The following SMIM35 variants were observed in gnomAD, a reference collection of about 807,000 sequenced individuals.
SMIM35 encodes the protein TMPRSS4 antisense RNA 1 (non-protein coding).
At chr11:118,025,349 C>T (rs751339288) in intron 1 of SMIM35, 9 of 349,830 alleles carry the variant, frequency 2.6e-5, no homozygotes, top group Middle Eastern at 7.8e-4. Flanking sequence ...CTCCAAACTG[C>T]TTTCCACAGT....
chr11:118,064,489 G>C (rs1944438195), intron 1 of SMIM35, among the ~76,000 whole-genome samples: 1 of 152,162 alleles, frequency 6.6e-6, no homozygotes, highest in Non-Finnish European at 1.5e-5. Context: ...TCCCTATGTT[G>C]CCCAGGCTGG....
chr11:118,020,830 G>T (rs998840944), intron 1 of SMIM35, among the ~76,000 whole-genome samples: 2 of 152,022 alleles, frequency 1.3e-5, no homozygotes, highest in African/African-American at 4.8e-5. Flanking sequence ...TTGTCTAATT[G>T]TATTGGTTAG....
At chr11:118,020,902 C>G (rs2058223158) in intron 1 of SMIM35, among the ~76,000 whole-genome samples, 1 of 152,186 alleles carries the variant, frequency 6.6e-6, no homozygotes, top group Non-Finnish European at 1.5e-5. Context: ...CCCTAAGCAT[C>G]ACTTTAGCTT....
chr11:118,044,290 A>G (rs2135086027), intron 1 of SMIM35, among the ~76,000 whole-genome samples: 1 of 146,150 alleles, frequency 6.8e-6, no homozygotes, highest in East Asian at 2.0e-4. Flanking sequence ...ACCAAATCTT[A>G]GTCACTGAGA....
intron 1 of SMIM35, among the ~76,000 whole-genome samples, chr11:118,085,004 A>G (rs759125243): frequency 6.6e-6 from 1 of 152,190 alleles, no homozygotes; most frequent in Non-Finnish European, 1.5e-5. Flanking sequence ...GCAAGTCTGT[A>G]AAATCATGCA....
intron 1 of SMIM35, among the ~76,000 whole-genome samples, chr11:118,054,707 GTGTTTTTATA>G (rs768815127): frequency 4.0e-5 from 6 of 151,448 alleles, no homozygotes; most frequent in Non-Finnish European, 8.8e-5. Flanking sequence ...GTGTCCTGTT[GTGTTTTTATA>G]TGTTTCCAAT....
At chr11:118,029,664 T>C (rs2058302133) in intron 1 of SMIM35, 1 of 457,342 alleles carries the variant, frequency 2.2e-6, no homozygotes, top group South Asian at 1.5e-5. Context: ...CTAGCATCAG[T>C]TGGGTCTAGT....
chr11:118,036,444 G>A (rs1354401176), intron 1 of SMIM35, among the ~76,000 whole-genome samples: 1 of 152,170 alleles, frequency 6.6e-6, no homozygotes, highest in Non-Finnish European at 1.5e-5. Context: ...TTTTACAAAG[G>A]TATTTTCTAA....
Position 118,067,860 on chromosome 11 carries a change from CATATATATATATATATAT to C in SMIM35, c.7+18873_7+18890del, listed in dbSNP as rs57497227. Among the ~76,000 whole-genome samples the C allele has an allele frequency of 6.0e-3, 483 of 80,940 alleles. 11 individuals carry two copies. The highest frequency in any genetic ancestry group is 0.046 in the East Asian group (99 of 2,130). 53.1% of individuals were successfully genotyped at this position (80,940 alleles called of 152,430 possible). Reference sequence around the variant, plus strand: ...AAAACAACCACAAAACAACAACAAACATATATATATATATATATATATATATATATATATATATATATA... The same window carrying C: ...AAAACAACCACAAAACAACAACAAACATATATATATATATATATATATATA... On this transcript the variant is annotated intron_variant, in intron 1 of 4. Transcript: ENST00000689828.
chr11:118,033,509 G>GT (rs1372360412), intron 1 of SMIM35, among the ~76,000 whole-genome samples: 3 of 152,058 alleles, frequency 2.0e-5, no homozygotes, highest in Admixed American at 2.0e-4. Flanking sequence ...TAGTCAAGGG[G>GT]TTTTTTCTGT....
At chr11:118,020,439 G>A (rs980124350) in intron 1 of SMIM35, among the ~76,000 whole-genome samples, 4 of 152,158 alleles carry the variant, frequency 2.6e-5, no homozygotes, top group African/African-American at 9.7e-5. Flanking sequence ...GAATTTGATT[G>A]AGATAACAGT....
rs932254196 is a variant in SMIM35, at chr11:118,006,063, G to T, written c.*347C>A. On this transcript the variant is annotated 3_prime_UTR_variant, in exon 5 of 5. Transcript: ENST00000689828. ...CCTCCTTGGGGAAGACAAGACAAAG[G>T]TTCTGAAAACTTACTGGCCAGCACC... 2 of 152,304 alleles carry T rather than the reference G, an allele frequency of 1.3e-5. No individual in the cohort carries two copies. Among genetic ancestry groups the T allele is most frequent in the African/African-American group, 2.4e-5 (1 of 41,428 alleles). The allele number at this position is 152,304 out of a possible 1,614,324, so 9.4% of individuals were successfully genotyped here.
chr11:118,018,184 G>C (rs1431042754), intron 1 of SMIM35, among the ~76,000 whole-genome samples: 1 of 152,178 alleles, frequency 6.6e-6, no homozygotes, highest in Non-Finnish European at 1.5e-5. Flanking sequence ...CAGCAGGAGA[G>C]GAGGTACCAG....
At chr11:118,033,829 CAA>C (rs1258270238) in intron 1 of SMIM35, among the ~76,000 whole-genome samples, 1 of 152,146 alleles carries the variant, frequency 6.6e-6, no homozygotes, top group Admixed American at 6.5e-5. Context: ...GTGCTTGTGC[CAA>C]ACAGATGTGA....
At chr11:118,085,464 GT>G (rs1565411188) in intron 1 of SMIM35, among the ~76,000 whole-genome samples, 2 of 152,150 alleles carry the variant, frequency 1.3e-5, no homozygotes, top group Middle Eastern at 3.4e-3. Flanking sequence ...GCTGGAGTCA[GT>G]CCCAATCAGT....
chr11:118,053,285 G>A (rs1944249600), intron 1 of SMIM35, among the ~76,000 whole-genome samples: 1 of 150,822 alleles, frequency 6.6e-6, no homozygotes, highest in Non-Finnish European at 1.5e-5. Flanking sequence ...TCCAGCCTGG[G>A]TGACAGAGCA....
At chr11:118,017,182 A>G (rs1158632610) in intron 1 of SMIM35, among the ~76,000 whole-genome samples, 1 of 152,232 alleles carries the variant, frequency 6.6e-6, no homozygotes, top group Non-Finnish European at 1.5e-5. Flanking sequence ...TGAAAGAGAT[A>G]AAGAAAAAGG....
chr11:118,019,192 T>G (rs1314733383), intron 1 of SMIM35, among the ~76,000 whole-genome samples: 2 of 152,220 alleles, frequency 1.3e-5, no homozygotes, highest in Admixed American at 6.5e-5. Context: ...TAGGACCACT[T>G]CCACTTCTGG....
intron 1 of SMIM35, among the ~76,000 whole-genome samples, chr11:118,067,985 A>G (rs961277837): frequency 1.0e-4 from 15 of 148,864 alleles, no homozygotes; most frequent in East Asian, 3.9e-4. Context: ...CGCTATCCCA[A>G]TGGTTTGTCT....
Sources: allele counts gnomAD v4.1 joint callset (sites outside exome capture counted in the v4.1 genomes callset), GRCh38; gene constraint gnomAD v4.1.1; transcripts MANE v1.5; gene names NCBI Gene and HGNC (gene_info 2026-07-23, HGNC 2026-07-21).